Variants in CPEB3 observed in about 807,000 individuals in gnomAD.
CPEB3 encodes cytoplasmic polyadenylation element binding protein 3.
CPEB3 carries 20 observed loss-of-function variants against 67.2 expected under a neutral mutation model. The ratio of observed to expected loss-of-function variants is 0.30; its 90% CI spans 0.21 to 0.43. CPEB3 has a LOEUF of 0.43. Ranked by LOEUF, CPEB3 falls within the 20% of genes least tolerant of loss-of-function variation. The pLI, the probability that CPEB3 is intolerant of heterozygous loss-of-function variation, is 1.00. For synonymous variants in CPEB3, 376 were observed against 393.1 expected, an observed-to-expected ratio of 0.96 and a Z score of 0.51; for missense variants, 746 against 968.6, an observed-to-expected ratio of 0.77 and a Z score of 3.05.
At chr10:92,155,804 G>T (rs577315555) in intron 4 of CPEB3, among the ~76,000 whole-genome samples, 28 of 152,092 alleles carry the variant, frequency 1.8e-4, no homozygotes, top group African/African-American at 6.5e-4. Flanking sequence ...CGTGACTTTT[G>T]AGAACAATAA....
chr10:92,062,112 G>GC (rs908518085), intron 9 of CPEB3, among the ~76,000 whole-genome samples: 9 of 151,816 alleles, frequency 5.9e-5, no homozygotes, highest in Admixed American at 2.0e-4. Context: ...TGTGGTGGTG[G>GC]CGCCTGTAAT....
intron 9 of CPEB3, among the ~76,000 whole-genome samples, chr10:92,052,883 A>G (rs1180289813): frequency 6.6e-6 from 1 of 152,222 alleles, no homozygotes; most frequent in Admixed American, 6.5e-5. Context: ...AGGGAGAGGA[A>G]GCAGCCAGGA....
At position 92,177,151 on chromosome 10, in the gene CPEB3, G is replaced by C. The variant is rs184499591; in HGVS notation, c.1222+3812C>G. Among the ~76,000 whole-genome samples, 4 of 152,306 alleles carry C rather than the reference G, an allele frequency of 2.6e-5. No individual in the cohort carries two copies. In the East Asian group the frequency reaches 7.7e-4, roughly 29 times the overall value. ...TGGTAGAACTACTACCACATATGTA[G>C]CTAGAAGAACTCTTAGCAGCCTCCT... is the stretch of plus-strand genomic sequence containing the variant. On this transcript the variant is annotated intron_variant, in intron 4 of 9. Transcript: ENST00000265997.
intron 2 of CPEB3, among the ~76,000 whole-genome samples, chr10:92,230,525 T>C (rs1851218511): frequency 6.6e-6 from 1 of 152,178 alleles, no homozygotes; most frequent in Non-Finnish European, 1.5e-5. Flanking sequence ...GAGAGAAAAG[T>C]AGGCTTTATT....
intron 1 of CPEB3, among the ~76,000 whole-genome samples, chr10:92,264,826 A>G (rs1852977448): frequency 6.6e-6 from 1 of 152,042 alleles, no homozygotes; most frequent in Non-Finnish European, 1.5e-5. Context: ...CCGAGGCAGG[A>G]CGACGATCAC....
rs1165351211 is a variant in CPEB3, at chr10:92,051,031, T to C, written c.*1181A>G. 8 of 152,724 alleles carry C rather than the reference T, an allele frequency of 5.2e-5. No individual in the cohort carries two copies. The highest frequency in any genetic ancestry group is 8.8e-5 in the Non-Finnish European group (6 of 68,040). The allele number at this position is 152,724 out of a possible 1,614,324, so 9.5% of individuals were successfully genotyped here. On this transcript the variant is annotated 3_prime_UTR_variant, in exon 10 of 10. Transcript: ENST00000265997. ...ATCACTTTACTATATAAAATAAATT[T>C]CACAATATATAACAGAGCACCGCAA...
chr10:92,109,908 C>T (rs1057490522), intron 7 of CPEB3, among the ~76,000 whole-genome samples: 2 of 152,170 alleles, frequency 1.3e-5, no homozygotes, highest in African/African-American at 4.8e-5. Flanking sequence ...TAATCTTGCT[C>T]TATTGAATCC....
At position 92,209,279 on chromosome 10, in the gene CPEB3, T is replaced by A. The variant is rs1013416881; in HGVS notation, c.1006-16643A>T. Among the ~76,000 whole-genome samples, 6 of 152,286 alleles carry A rather than the reference T, an allele frequency of 3.9e-5. No homozygotes were observed. The East Asian group carries it at 9.7e-4, about 25-fold the overall frequency. ...ATGGCTCACGCCTATAATCCCAGCATTCTGGGAGGCCGATGCAGGCAGATC... is the reference window on the plus strand; with the variant it reads ...ATGGCTCACGCCTATAATCCCAGCAATCTGGGAGGCCGATGCAGGCAGATC... On this transcript the variant is annotated intron_variant, in intron 2 of 9. Coordinates refer to ENST00000265997, the MANE Select transcript of CPEB3 (RefSeq NM_014912.5).
intron 4 of CPEB3, among the ~76,000 whole-genome samples, chr10:92,153,793 A>G (rs1847076479): frequency 6.6e-6 from 1 of 152,192 alleles, no homozygotes; most frequent in Admixed American, 6.5e-5. Flanking sequence ...AAAGCAAAAA[A>G]CAAAAACAAA....
chr10:92,074,118 T>G (rs568796954), intron 9 of CPEB3, among the ~76,000 whole-genome samples: 12 of 150,376 alleles, frequency 8.0e-5, no homozygotes, highest in Admixed American at 5.3e-4. Context: ...AAAAAAATGG[T>G]TTTTTTTTAA....
chr10:92,088,843 A>G (rs1001945271), intron 8 of CPEB3, among the ~76,000 whole-genome samples: 1 of 152,234 alleles, frequency 6.6e-6, no homozygotes, highest in African/African-American at 2.4e-5. Context: ...CCAAAATTCC[A>G]TAACTAGAAT....
chr10:92,162,418 G>A (rs1341982644), intron 4 of CPEB3, among the ~76,000 whole-genome samples: 2 of 151,886 alleles, frequency 1.3e-5, no homozygotes, highest in African/African-American at 4.8e-5. Flanking sequence ...TATGATTTGT[G>A]TACTGTTTGT....
At chr10:92,112,413 G>A (rs533459074) in intron 6 of CPEB3, among the ~76,000 whole-genome samples, 2 of 152,130 alleles carry the variant, frequency 1.3e-5, no homozygotes, top group Admixed American at 6.5e-5. Context: ...CCAAAGTGCT[G>A]GGATTACAGG....
chr10:92,243,620 TAGAA>T (rs896608598), intron 1 of CPEB3, among the ~76,000 whole-genome samples: 195 of 152,098 alleles, frequency 1.3e-3, no homozygotes, highest in Non-Finnish European at 1.8e-3. Flanking sequence ...GGAATCCTAC[TAGAA>T]AGAGACTGGG....
chr10:92,239,644 G>C lies in CPEB3; in HGVS notation c.707C>G (p.Ser236Trp). The C allele has an allele frequency of 6.4e-7, 1 of 1,561,132 alleles. No homozygotes were observed. Among genetic ancestry groups the C allele is most frequent in the Non-Finnish European group, 8.7e-7 (1 of 1,153,478 alleles). Residue 236 changes from serine to tryptophan, a missense_variant, in exon 2 of 10, where the codon TCG becomes TGG. Physicochemically the swap from Ser to Trp is radical, Grantham distance 177. Coordinates refer to ENST00000265997, the MANE Select transcript of CPEB3 (RefSeq NM_014912.5). This position sits in a 1 kb window ranked among gnomAD's most constrained non-coding sequence, Gnocchi z 6.0. The part of the protein sequence containing the change: ...VAAAAAAAAA[S>W]SASSSWNTHQ... ...CGTGTTCCAGCTGGACGAGGCCGAC[G>C]AGGCGGCGGCTGCGGCAGCAGCGGC...
At chr10:92,059,889 G>A (rs11186815) in intron 9 of CPEB3, among the ~76,000 whole-genome samples, 39,038 of 150,384 alleles carry the variant, frequency 0.26, 6,153 homozygotes, top group Admixed American at 0.36. Context: ...CCCGGGAGGC[G>A]GAGGTTGCAG....
At chr10:92,167,823 G>C (rs955533137) in intron 4 of CPEB3, among the ~76,000 whole-genome samples, 1 of 152,178 alleles carries the variant, frequency 6.6e-6, no homozygotes, top group African/African-American at 2.4e-5. Context: ...CATGAGAATT[G>C]CTTAAACCCG....
chr10:92,224,283 G>A (rs750200074), intron 2 of CPEB3, among the ~76,000 whole-genome samples: 1 of 152,144 alleles, frequency 6.6e-6, no homozygotes, highest in African/African-American at 2.4e-5. Context: ...TCCTGACAAA[G>A]ATATCCTAGA....
In CPEB3 at chr10:92,052,251, T is replaced by C. The variant is rs779540230; in HGVS notation, c.2058A>G (p.Gly686=). The change falls in exon 10 of 10, where the codon GGA becomes GGG. Residue 686 remains glycine, a synonymous_variant. Transcript: ENST00000265997. ...REFHKPLVKE[G]GDRPRHVPFR... Reference sequence around the variant, plus strand: ...ACGGGACGTGACGAGGGCGGTCGCCTCCCTCCTTCACCAGCGGTTTGTGGA... The same window carrying C: ...ACGGGACGTGACGAGGGCGGTCGCCCCCCTCCTTCACCAGCGGTTTGTGGA... The C allele has an allele frequency of 6.8e-6, 11 of 1,613,834 alleles. No individual in the cohort carries two copies. The highest frequency in any genetic ancestry group is 9.3e-6 in the Non-Finnish European group (11 of 1,179,940).
Sources: gnomAD v4.1 joint callset for allele counts (sites outside exome capture counted in the v4.1 genomes callset) on GRCh38, gnomAD v4.1.1 for gene constraint, Gnocchi (gnomAD v3.1) non-coding constraint, MANE v1.5 for transcripts, NCBI Gene and HGNC (gene_info 2026-07-23, HGNC 2026-07-21) for gene names.